The following FBXL13 variants were observed in gnomAD, a reference collection of about 807,000 sequenced individuals.
The protein encoded by FBXL13 is F-box and leucine-rich repeat protein 13.
In FBXL13, 67 loss-of-function variants were observed where a neutral mutation model predicts 83.6. That is an observed-to-expected ratio of 0.80 (90% CI 0.66 to 0.98). The LOEUF is 0.98. Among genes scored for constraint, FBXL13 ranks in the 50% least tolerant of loss-of-function variants. The pLI, the probability that FBXL13 is intolerant of heterozygous loss-of-function variation, is 0.00. For missense variants in FBXL13, 822 were observed against 866.5 expected, an observed-to-expected ratio of 0.95 and a Z score of 0.64; for synonymous variants, 272 against 299.5, an observed-to-expected ratio of 0.91 and a Z score of 0.95.
At chr7:102,945,770 C>T (rs1397473983) in intron 8 of FBXL13, among the ~76,000 whole-genome samples, 3 of 152,198 alleles carry the variant, frequency 2.0e-5, no homozygotes, top group African/African-American at 7.2e-5. Context: ...GAGTTGAATA[C>T]ATTTTCATTT....
At chr7:102,863,786 T>A (rs1807223995) in intron 16 of FBXL13, among the ~76,000 whole-genome samples, 1 of 152,130 alleles carries the variant, frequency 6.6e-6, no homozygotes, top group Admixed American at 6.5e-5. Context: ...CTAATTGCTC[T>A]CCTAGGTTCT....
intron 6 of FBXL13, among the ~76,000 whole-genome samples, chr7:102,969,831 G>A (rs1191765731): frequency 8.2e-6 from 1 of 121,512 alleles, no homozygotes; most frequent in Non-Finnish European, 1.7e-5. Context: ...GAGGAGAGGG[G>A]AGGGGAGGGG....
At chr7:102,874,619 C>T (rs1028590372) in intron 16 of FBXL13, among the ~76,000 whole-genome samples, 3 of 152,140 alleles carry the variant, frequency 2.0e-5, no homozygotes, top group African/African-American at 7.2e-5. Context: ...GGCTGGAGTA[C>T]AGTGGTACAA....
Position 103,069,121 on chromosome 7 carries a change from C to G in FBXL13, c.-105+5125G>C, listed in dbSNP as rs544767956. Among the ~76,000 whole-genome samples, 43 of 151,714 alleles carry G rather than the reference C, an allele frequency of 2.8e-4. 1 individual carries two copies. In the South Asian group the frequency reaches 8.3e-3, roughly 29 times the overall value. ...GAGCACCTCTGCCTGGCTGTCGCCC[C>G]CTCTGGGAAGTGAGGAGGCCCTCTG... On this transcript the variant is annotated intron_variant, in intron 1 of 19. Transcript: ENST00000313221.
At chr7:102,906,736 T>C (rs1235778648) in intron 11 of FBXL13, among the ~76,000 whole-genome samples, 1 of 152,186 alleles carries the variant, frequency 6.6e-6, no homozygotes, top group Non-Finnish European at 1.5e-5. Flanking sequence ...CTCCATTGTA[T>C]GTTATTTGTT....
intron 1 of FBXL13, among the ~76,000 whole-genome samples, chr7:103,057,323 G>A (rs1178998653): frequency 6.6e-6 from 1 of 152,092 alleles, no homozygotes; most frequent in Non-Finnish European, 1.5e-5. Context: ...TACTTGAGGA[G>A]TAAGTTCTTT....
At chr7:103,047,578 A>C (rs1796396114) in intron 2 of FBXL13, among the ~76,000 whole-genome samples, 1 of 152,236 alleles carries the variant, frequency 6.6e-6, no homozygotes, top group Non-Finnish European at 1.5e-5. Context: ...TTGGGTTAGC[A>C]GTTCTATACA....
chr7:103,028,478 G>A, intron 4 of FBXL13, 122 bp downstream of exon 5: 2 of 598,744 alleles, frequency 3.3e-6, no homozygotes, highest in Non-Finnish European at 2.6e-6. Context: ...TTCATTTCAT[G>A]ACAATTGTCT....
intron 8 of FBXL13, among the ~76,000 whole-genome samples, chr7:102,947,104 A>G (rs112554887): frequency 1.7e-4 from 26 of 152,274 alleles, no homozygotes; most frequent in African/African-American, 6.3e-4. Flanking sequence ...CTACATTTCA[A>G]ATGTTACCAG....
At chr7:102,851,860 G>C (rs1273975102) in intron 17 of FBXL13, among the ~76,000 whole-genome samples, 1 of 152,062 alleles carries the variant, frequency 6.6e-6, no homozygotes, top group Non-Finnish European at 1.5e-5. Context: ...ATTAGGTCTA[G>C]GAATTTTACT....
chr7:102,813,133 C>T, downstream of FBXL13: 7 of 550,168 alleles, frequency 1.3e-5, no homozygotes, highest in South Asian at 1.8e-4. Context: ...AGCCACCGCT[C>T]CTGGCCTGGC....
intron 11 of FBXL13, among the ~76,000 whole-genome samples, chr7:102,903,318 G>C (rs961093463): frequency 6.6e-6 from 1 of 151,988 alleles, no homozygotes; most frequent in Non-Finnish European, 1.5e-5. Flanking sequence ...TTCTTGTGTA[G>C]ACCTTAGGTT....
At chr7:102,940,250 G>A (rs1821149749) in intron 8 of FBXL13, among the ~76,000 whole-genome samples, 1 of 134,766 alleles carries the variant, frequency 7.4e-6, no homozygotes, top group Non-Finnish European at 1.6e-5. Context: ...TAGCTCTGTT[G>A]CCAGGCTGGA....
intron 11 of FBXL13, among the ~76,000 whole-genome samples, chr7:102,912,381 CAGAG>C (rs1436251091): frequency 1.3e-5 from 2 of 152,094 alleles, no homozygotes; most frequent in African/African-American, 4.8e-5. Context: ...ATAAAATACA[CAGAG>C]AGGCAGAAGA....
chr7:102,902,752 T>C (rs915562942), intron 11 of FBXL13, among the ~76,000 whole-genome samples: 6 of 152,138 alleles, frequency 3.9e-5, no homozygotes, highest in Non-Finnish European at 7.4e-5. Flanking sequence ...TATAGATTTG[T>C]TTCTGGGTTC....
intron 10 of FBXL13, among the ~76,000 whole-genome samples, chr7:102,918,778 CA>C (rs939751252): frequency 6.6e-6 from 1 of 151,954 alleles, no homozygotes; most frequent in Non-Finnish European, 1.5e-5. Context: ...CAAAACAAAA[CA>C]AAAAAATGGC....
intron 6 of FBXL13, among the ~76,000 whole-genome samples, chr7:102,990,295 T>A (rs138583049): frequency 6.6e-6 from 1 of 151,948 alleles, no homozygotes; most frequent in Non-Finnish European, 1.5e-5. Context: ...GATAGAGAAA[T>A]AATTCCCAGA....
At chr7:102,856,019 A>G (rs114344958) in intron 16 of FBXL13, among the ~76,000 whole-genome samples, 55 of 152,178 alleles carry the variant, frequency 3.6e-4, no homozygotes, top group African/African-American at 1.3e-3. Flanking sequence ...GAATTCTTTT[A>G]ACTTTTTAAA....
chr7:102,846,183 C>G (rs1024576670), intron 17 of FBXL13, among the ~76,000 whole-genome samples: 3 of 152,148 alleles, frequency 2.0e-5, no homozygotes, highest in Admixed American at 6.5e-5. Context: ...CCCACTAAAC[C>G]TAGCCTCATC....
Sources: gnomAD v4.1 joint callset for allele counts (sites outside exome capture counted in the v4.1 genomes callset) on GRCh38, gnomAD v4.1.1 for gene constraint, MANE v1.5 for transcripts, NCBI Gene and HGNC (gene_info 2026-07-23, HGNC 2026-07-21) for gene names.